HRC: variants seen among roughly 807,000 people sequenced by gnomAD.
The protein encoded by HRC is histidine rich calcium binding protein, also known as sarcoplasmic reticulum histidine-rich calcium-binding protein.
Under a neutral mutation model 61.4 loss-of-function variants are expected in HRC, and 41 were observed. The observed-to-expected ratio is 0.67, with a 90% CI of 0.52 to 0.87. The LOEUF is 0.87. Ranked by LOEUF, HRC falls within the 40% of genes least tolerant of loss-of-function variation. The pLI is 0.00. For synonymous variants in HRC, 308 were observed against 326.6 expected (o/e 0.94, Z 0.62); for missense variants, 839 against 885.8 (o/e 0.95, Z 0.67).
In HRC at chr19:49,154,104, C is replaced by G; in HGVS notation, c.1134G>C (p.Glu378Asp). The change falls in exon 1 of 6, where the codon GAG becomes GAC. Residue 378 changes from glutamate (E) to aspartate (D), a missense_variant. Physicochemically the swap from Glu to Asp is conservative, Grantham distance 45. Transcript: ENST00000252825. ...HVHHGLVDEE[E>D]EEEEITVQFG... ...ACTGGACTGTGATCTCCTCTTCTTC[C>G]TCTTCCTCATCTACAAGGCCATGGT... The G allele has an allele frequency of 6.2e-7, 1 of 1,614,092 alleles. No homozygotes were observed. The highest frequency in any genetic ancestry group is 8.5e-7 in the Non-Finnish European group (1 of 1,180,042).
Position 49,155,191 on chromosome 19 carries a change from C to T in HRC, c.47G>A (p.Gly16Glu), listed in dbSNP as rs1217753279. 6.2e-7 allele frequency: 1 copy of T among 1,612,674 alleles called. No individual in the cohort carries two copies. Among genetic ancestry groups the T allele is most frequent in the African/African-American group, 1.3e-5 (1 of 75,042 alleles). The part of the protein sequence containing the change: ...PWLHASVLWA[G>E]VASLLLPPAM... ...CGGGGGGAGGAGCAGGCTGGCCACC[C>T]CAGCCCAGAGGACAGAAGCGTGCAG... is the stretch of plus-strand genomic sequence containing the variant. Residue 16 changes from glycine to glutamate, a missense_variant, in exon 1 of 6, where the codon GGG becomes GAG. Gly to Glu is a moderately conservative substitution (Grantham distance 98, BLOSUM62 -2). Transcript: ENST00000252825. The surrounding 1 kb of genome is among the most constrained non-coding windows in gnomAD (Gnocchi z 4.7).
In HRC at chr19:49,155,136, C is replaced by A; in HGVS notation, c.102G>T (p.Gly34=). 6.2e-7 allele frequency: 1 copy of A among 1,613,976 alleles called. No homozygotes were observed. Among genetic ancestry groups the A allele is most frequent in the Non-Finnish European group, 8.5e-7 (1 of 1,179,984 alleles). ...TGTTGTTCCGGTTTCTGAAGCCTAG[C>A]CCATCCCCTCTGAGCTGCTGGGTCA... The part of the protein sequence containing the change: ...PAMTQQLRGD[G]LGFRNRNNST... The change falls in exon 1 of 6, where the codon GGG becomes GGT. Residue 34 remains glycine (G), a synonymous_variant. Coordinates refer to ENST00000252825, the MANE Select transcript of HRC (RefSeq NM_002152.3). The surrounding 1 kb of genome is among the most constrained non-coding windows in gnomAD (Gnocchi z 4.7).
In HRC at chr19:49,153,794, A is replaced by T. The variant is rs1222168027; in HGVS notation, c.1444T>A (p.Ser482Thr). ...TCTTCCTTCTCCTTTTCCTCCTCAGAATCATCCTTCCTCAAATGGCTTCTA... is the reference window on the plus strand; with the variant it reads ...TCTTCCTTCTCCTTTTCCTCCTCAGTATCATCCTTCCTCAAATGGCTTCTA... Reference protein sequence around the residue: ...KDRSHLRKDDSEEEKEKEEDP... With the variant: ...KDRSHLRKDDTEEEKEKEEDP... The change falls in exon 1 of 6, where the codon TCT becomes ACT. Residue 482 changes from serine to threonine, a missense_variant. Transcript: ENST00000252825. The surrounding 1 kb of genome is among the most constrained non-coding windows in gnomAD (Gnocchi z 4.8). 6.2e-7 allele frequency: 1 copy of T among 1,613,842 alleles called. No homozygotes were observed. The highest frequency in any genetic ancestry group is 8.5e-7 in the Non-Finnish European group (1 of 1,179,996).
chr19:49,151,270 A>C lies in HRC; in HGVS notation c.*26T>G, dbSNP rs1476879516. On this transcript the variant is annotated 3_prime_UTR_variant, in exon 6 of 6. Transcript: ENST00000252825. ...GGGGTTGGAAGGCAGGGGGAGGTAC[A>C]CCTGCGTCGCAGTCGAGCGACTGGG... is the stretch of plus-strand genomic sequence containing the variant. 2.0e-6 allele frequency: 3 copies of C among 1,538,428 alleles called. No homozygotes were observed. The highest frequency in any genetic ancestry group is 2.6e-6 in the Non-Finnish European group (3 of 1,137,816).
In HRC at chr19:49,154,832, C is replaced by A; in HGVS notation, c.406G>T (p.Gly136Cys). 8.7e-6 allele frequency: 14 copies of A among 1,614,182 alleles called. No individual in the cohort carries two copies. The highest frequency in any genetic ancestry group is 1.2e-5 in the Non-Finnish European group (14 of 1,180,024). ...TCTTCCGTGTCTTCACTCCCGTGGC[C>A]TCTGTGCCCACGGGCCTGCCCACCA... ...EHGGQARGHR[G>C]HGSEDTEDSA... Residue 136 changes from glycine to cysteine, a missense_variant, in exon 1 of 6, where the codon GGC (glycine) becomes TGC (cysteine). By Grantham distance (159) the Gly-to-Cys change is radical (BLOSUM62 -3). Coordinates refer to ENST00000252825, the MANE Select transcript of HRC (RefSeq NM_002152.3).
In HRC at chr19:49,153,261, A is replaced by G; in HGVS notation, c.1902T>C (p.Asn634=). ...GSLCGYCSFC[N]RCTECESCHC... is the part of the protein sequence containing the mutation. ...GGGTGGATCTGGGCTGGGGACATAC[A>G]TTGCAGAAGGAGCAGTAGCCACACA... is the stretch of plus-strand genomic sequence containing the variant. Residue 634 remains asparagine, a splice_region_variant and synonymous_variant, in exon 2 of 6, where the codon AAT becomes AAC. Coordinates refer to ENST00000252825, the MANE Select transcript of HRC (RefSeq NM_002152.3). This position sits in a 1 kb window ranked among gnomAD's most constrained non-coding sequence, Gnocchi z 4.8. 1 of 1,611,462 alleles carries G rather than the reference A, an allele frequency of 6.2e-7. No individual in the cohort carries two copies. The highest frequency in any genetic ancestry group is 8.5e-7 in the Non-Finnish European group (1 of 1,177,700).
intron 2 of HRC, 78 bp from the exon 3 acceptor site, chr19:49,152,456 C>T: frequency 8.4e-7 from 1 of 1,186,116 alleles, no homozygotes; most frequent in Non-Finnish European, 1.2e-6. Flanking sequence ...CACCCCTGCA[C>T]CCTGGACGCT....
intron 5 of HRC, 26 bp from the exon 6 acceptor site, chr19:49,151,358 G>C (rs1427496034): frequency 6.4e-7 from 1 of 1,556,016 alleles, no homozygotes; most frequent in Non-Finnish European, 8.7e-7. Context: ...CCAGAAGTTA[G>C]ACAGCTGGTG....
At position 49,155,037 on chromosome 19, in the gene HRC, A is replaced by G. The variant is rs1347677437; in HGVS notation, c.201T>C (p.His67=). 3.7e-6 allele frequency: 6 copies of G among 1,613,890 alleles called. No homozygotes were observed. Among genetic ancestry groups the G allele is most frequent in the South Asian group, 1.1e-5 (1 of 91,078 alleles). The change falls in exon 1 of 6, where the codon CAT becomes CAC. Residue 67 remains histidine, a synonymous_variant. Transcript: ENST00000252825. This position sits in a 1 kb window ranked among gnomAD's most constrained non-coding sequence, Gnocchi z 4.7. ...LRHHLHSPRD[H]PDENKDVSTE... ...TGGAAACATCCTTGTTCTCATCTGG[A>G]TGGTCTCTAGGGCTGTGGAGGTGGT...
rs550534373 is a variant in HRC at position 49,155,042 on chromosome 19, C to G, written c.196G>C (p.Asp66His). ...ACATCCTTGTTCTCATCTGGATGGT[C>G]TCTAGGGCTGTGGAGGTGGTGGCGA... ...ELRHHLHSPRDHPDENKDVST... is the reference protein window; with the variant it reads ...ELRHHLHSPRHHPDENKDVST... Residue 66 changes from aspartate (D) to histidine (H), a missense_variant, in exon 1 of 6, where the codon GAC becomes CAC. Asp to His is a moderately conservative substitution (Grantham distance 81). Transcript: ENST00000252825. This position sits in a 1 kb window ranked among gnomAD's most constrained non-coding sequence, Gnocchi z 4.7. 1 of 1,614,192 alleles carries G rather than the reference C, an allele frequency of 6.2e-7. No individual in the cohort carries two copies. Among genetic ancestry groups the G allele is most frequent in the African/African-American group, 1.3e-5 (1 of 75,056 alleles).
rs753218598 is a variant in HRC, at chr19:49,153,720, C to G, written c.1518G>C (p.Glu506Asp). 4.2e-5 allele frequency: 68 copies of G among 1,614,002 alleles called. No homozygotes were observed. The South Asian group carries it at 7.2e-4, about 17-fold the overall frequency. The change falls in exon 1 of 6, where the codon GAG becomes GAC. Residue 506 changes from glutamate to aspartate, a missense_variant. By Grantham distance (45) the Glu-to-Asp change is conservative. Transcript: ENST00000252825. The surrounding 1 kb of genome is among the most constrained non-coding windows in gnomAD (Gnocchi z 4.8). ...CCCGGCTGCCATGATGGGTGCCTTTCTCTCCCTGCTCTGAACTTTCATCGT... is the reference window on the plus strand; with the variant it reads ...CCCGGCTGCCATGATGGGTGCCTTTGTCTCCCTGCTCTGAACTTTCATCGT... ...EEDDESSEQG[E>D]KGTHHGSRDQ...
At position 49,153,925 on chromosome 19, in the gene HRC, G is replaced by A. The variant is rs772906564; in HGVS notation, c.1313C>T (p.Ala438Val). The change falls in exon 1 of 6, where the codon GCC becomes GTC. Residue 438 changes from alanine (A) to valine (V), a missense_variant. Ala to Val is a moderately conservative substitution (Grantham distance 64, BLOSUM62 0). Coordinates refer to ENST00000252825, the MANE Select transcript of HRC (RefSeq NM_002152.3). The surrounding 1 kb of genome is among the most constrained non-coding windows in gnomAD (Gnocchi z 4.8). ...TTGGTGGCTTTGCCTGTGGCTGGGG[G>A]CCTGGTGGCCAAGCTCAGCAGAGAC... ...EEVSAELGHQ[A>V]PSHRQSHQDE... 1.2e-5 allele frequency: 19 copies of A among 1,612,418 alleles called. No homozygotes were observed. The highest frequency in any genetic ancestry group is 3.3e-5 in the Admixed American group (2 of 59,894).
rs113958500 is a variant in HRC at position 49,154,166 on chromosome 19, A to G, written c.1072T>C (p.Ser358Pro). The change falls in exon 1 of 6, where the codon TCC (serine) becomes CCC (proline). Residue 358 changes from serine to proline, a missense_variant. Coordinates refer to ENST00000252825, the MANE Select transcript of HRC (RefSeq NM_002152.3). ...GGACCCTGGTGCCAACGTTCAGTGG[A>G]CACATCCTCATCTTCTTCCTCGTCT... ...HRDEEEDEDVSTERWHQGPQH... is the reference protein window; with the variant it reads ...HRDEEEDEDVPTERWHQGPQH... 8.0e-3 allele frequency: 12,965 copies of G among 1,613,724 alleles called. 49 individuals carry two copies. The highest frequency in any genetic ancestry group is 0.014 in the African/African-American group (1,063 of 74,768).
In HRC at chr19:49,154,997, G is replaced by C; in HGVS notation, c.241C>G (p.His81Asp). The C allele has an allele frequency of 1.2e-6, 2 of 1,614,216 alleles. No individual in the cohort carries two copies. Among genetic ancestry groups the C allele is most frequent in the Middle Eastern group, 1.6e-4 (1 of 6,062 alleles). Residue 81 changes from histidine (H) to aspartate (D), a missense_variant, in exon 1 of 6, where the codon CAT (histidine) becomes GAT (aspartate). His to Asp is a moderately conservative substitution (Grantham distance 81). Transcript: ENST00000252825. ...NKDVSTENGH[H>D]FWSHPDREKE... ...TCACGGTCTGGGTGGCTCCAGAAAT[G>C]ATGCCCATTCTCTGTGGAAACATCC...
In HRC at chr19:49,152,311, T is replaced by C. The variant is rs1045249412; in HGVS notation, c.1970A>G (p.Gln657Arg). The C allele has an allele frequency of 6.2e-7, 1 of 1,611,984 alleles. No individual in the cohort carries two copies. Among genetic ancestry groups the C allele is most frequent in the Non-Finnish European group, 8.5e-7 (1 of 1,178,474 alleles). ...ENMGEHCDQCQHCQFCYLCPL... is the reference protein window; with the variant it reads ...ENMGEHCDQCRHCQFCYLCPL... The stretch of plus-strand genomic sequence containing the variant: ...CTTGAGTGTGAGGTGAGGTCTCACC[T>C]GGCACTGGTCGCAGTGCTCACCCAT... Residue 657 changes from glutamine to arginine, a missense_variant and splice_region_variant, in exon 3 of 6, where the codon CAG (glutamine) becomes CGG (arginine). Coordinates refer to ENST00000252825, the MANE Select transcript of HRC (RefSeq NM_002152.3).
Position 49,155,228 on chromosome 19 carries a change from G to A in HRC, c.10C>T (p.His4Tyr), listed in dbSNP as rs752123189. The change falls in exon 1 of 6, where the codon CAT (histidine) becomes TAT (tyrosine). Residue 4 changes from histidine to tyrosine, a missense_variant. His to Tyr is a moderately conservative substitution (Grantham distance 83). Transcript: ENST00000252825. The surrounding 1 kb of genome is among the most constrained non-coding windows in gnomAD (Gnocchi z 4.7). Reference sequence around the variant, plus strand: ...ACAGAAGCGTGCAGCCATGGCCTATGGTGGCCCATGGGGACGGACAGGCAG... The same window carrying A: ...ACAGAAGCGTGCAGCCATGGCCTATAGTGGCCCATGGGGACGGACAGGCAG... MGH[H>Y]RPWLHASVLW... The A allele has an allele frequency of 1.1e-5, 17 of 1,598,674 alleles. No homozygotes were observed. The highest frequency in any genetic ancestry group is 1.9e-4 in the Middle Eastern group (1 of 5,340).
rs57199624 is a variant in HRC at position 49,154,632 on chromosome 19, T to TTCCTCCTCC, written c.597_605dup (p.Glu202_Glu204dup). 4,732 of 1,579,486 alleles carry TTCCTCCTCC rather than the reference T, an allele frequency of 3.0e-3. 64 individuals are homozygous for TTCCTCCTCC. In the African/African-American group the frequency reaches 0.053, roughly 18 times the overall value. ...GTCCATACTCAGTGGAGGCCTCCTC[T>TTCCTCCTCC]TCCTCCTCCTCCTCCTCCTCCTCCT... is the stretch of plus-strand genomic sequence containing the variant. On this transcript the variant is annotated inframe_insertion, in exon 1 of 6. Coordinates refer to ENST00000252825, the MANE Select transcript of HRC (RefSeq NM_002152.3).
chr19:49,151,329 G>A lies in HRC; in HGVS notation c.2067C>T (p.Ala689=), dbSNP rs1229181051. Residue 689 remains alanine (A), a synonymous_variant, in exon 6 of 6, where the codon GCC becomes GCT. Coordinates refer to ENST00000252825, the MANE Select transcript of HRC (RefSeq NM_002152.3). ...CCGGCGTTTCCAGCATGTCTGCCAG[G>A]GCCCTGGAGACGAGAACGCCAGAAG... The part of the protein sequence containing the change: ...VDYFSSSLYQ[A]LADMLETPEP 6.4e-7 allele frequency: 1 copy of A among 1,557,268 alleles called. No individual in the cohort carries two copies. Among genetic ancestry groups the A allele is most frequent in the Non-Finnish European group, 8.7e-7 (1 of 1,148,706 alleles).
chr19:49,153,720 C>T lies in HRC; in HGVS notation c.1518G>A (p.Glu506=), dbSNP rs753218598. 3 of 1,614,002 alleles carry T rather than the reference C, an allele frequency of 1.9e-6. No individual in the cohort carries two copies. The highest frequency in any genetic ancestry group is 2.5e-6 in the Non-Finnish European group (3 of 1,180,038). The change falls in exon 1 of 6, where the codon GAG becomes GAA. Residue 506 remains glutamate (E), a synonymous_variant. Coordinates refer to ENST00000252825, the MANE Select transcript of HRC (RefSeq NM_002152.3). The surrounding 1 kb of genome is among the most constrained non-coding windows in gnomAD (Gnocchi z 4.8). ...EEDDESSEQG[E]KGTHHGSRDQ... ...CCCGGCTGCCATGATGGGTGCCTTTCTCTCCCTGCTCTGAACTTTCATCGT... is the reference window on the plus strand; with the variant it reads ...CCCGGCTGCCATGATGGGTGCCTTTTTCTCCCTGCTCTGAACTTTCATCGT...
Sources: gnomAD v4.1 joint callset for allele counts on GRCh38, gnomAD v4.1.1 for gene constraint, Gnocchi (gnomAD v3.1) non-coding constraint, MANE v1.5 for transcripts, NCBI Gene and HGNC (gene_info 2026-07-23, HGNC 2026-07-21) for gene names.